COLEC11: variants seen among roughly 807,000 people sequenced by gnomAD.
The protein encoded by COLEC11 is collectin-11.
COLEC11 carries 20 observed loss-of-function variants against 27.3 expected under a neutral mutation model. That is an observed-to-expected ratio of 0.73 (90% CI 0.51 to 1.06). The LOEUF (loss-of-function observed/expected upper bound fraction) is 1.06. COLEC11 is among the 50% of genes least tolerant of loss of function. COLEC11 has a pLI of 0.00. For missense variants in COLEC11, 310 were observed against 383.0 expected (o/e 0.81, Z 1.59); for synonymous variants, 163 against 154.7 (o/e 1.05, Z -0.40).
intron 3 of COLEC11, among the ~76,000 whole-genome samples, chr2:3,632,355 G>A (rs995786568): frequency 4.6e-5 from 7 of 152,156 alleles, no homozygotes; most frequent in Non-Finnish European, 8.8e-5. Context: ...ACCACACAGC[G>A]GGCAGCTTCC....
chr2:3,598,364 C>T (rs146705068), intron 1 of COLEC11, among the ~76,000 whole-genome samples: 1 of 152,238 alleles, frequency 6.6e-6, no homozygotes, highest in African/African-American at 2.4e-5. Flanking sequence ...GGAAACACCA[C>T]GAGGAGAAGA....
intron 5 of COLEC11, among the ~76,000 whole-genome samples, chr2:3,642,096 T>C (rs1157304998): frequency 6.6e-6 from 1 of 151,868 alleles, no homozygotes; most frequent in African/African-American, 2.4e-5. Flanking sequence ...GAGGGCGGAG[T>C]GTAGCTCAGT....
In COLEC11 at chr2:3,644,412, C is replaced by A; in HGVS notation, c.*294C>A. 1.7e-6 allele frequency: 1 copy of A among 597,266 alleles called. No individual in the cohort carries two copies. Among genetic ancestry groups the A allele is most frequent in the Non-Finnish European group, 3.1e-6 (1 of 320,314 alleles). 37.0% of individuals were successfully genotyped at this position (597,266 alleles called of 1,614,324 possible). On this transcript the variant is annotated 3_prime_UTR_variant, in exon 7 of 7. Transcript: ENST00000349077. Reference sequence around the variant, plus strand: ...CTTCCATAAAGCTTGTGCCTTTGTCCAAGCTATACAATAAAATCTTTAAGT... The same window carrying A: ...CTTCCATAAAGCTTGTGCCTTTGTCAAAGCTATACAATAAAATCTTTAAGT...
At chr2:3,613,002 G>A (rs1308656361) in intron 2 of COLEC11, among the ~76,000 whole-genome samples, 2 of 145,686 alleles carry the variant, frequency 1.4e-5, no homozygotes, top group Non-Finnish European at 2.9e-5. Flanking sequence ...GGGGAGAGCC[G>A]GCGTTTAGAC....
intron 3 of COLEC11, among the ~76,000 whole-genome samples, chr2:3,614,316 A>G (rs564599350): frequency 8.5e-5 from 13 of 152,272 alleles, no homozygotes; most frequent in African/African-American, 3.1e-4. Context: ...CCAACCCCCC[A>G]ACCAATCTTT....
chr2:3,637,231 C>T (rs188535397), intron 3 of COLEC11, among the ~76,000 whole-genome samples: 45 of 152,272 alleles, frequency 3.0e-4, no homozygotes, highest in African/African-American at 8.2e-4. Flanking sequence ...CACACAGGCA[C>T]GGAGGGGATG....
intron 1 of COLEC11, chr2:3,603,327 AT>A (rs920255070): frequency 1.0e-3 from 199 of 192,864 alleles, no homozygotes; most frequent in African/African-American, 2.6e-3. Flanking sequence ...ATTATATTTT[AT>A]TTTTTTTTGG....
At chr2:3,600,400 C>T (rs1212526423) in intron 1 of COLEC11, among the ~76,000 whole-genome samples, 1 of 151,974 alleles carries the variant, frequency 6.6e-6, no homozygotes, top group African/African-American at 2.4e-5. Context: ...ACAAAAAAGA[C>T]AAAAATTGCC....
intron 2 of COLEC11, chr2:3,606,140 C>T: frequency 6.4e-7 from 1 of 1,550,548 alleles, no homozygotes; most frequent in Non-Finnish European, 8.7e-7. Flanking sequence ...AGGTTGGAAA[C>T]GGTGGCTGTG....
At chr2:3,629,382 A>C (rs1199071791) in intron 3 of COLEC11, among the ~76,000 whole-genome samples, 1 of 152,200 alleles carries the variant, frequency 6.6e-6, no homozygotes, top group African/African-American at 2.4e-5. Flanking sequence ...GTTGGGGTGT[A>C]GTGAGGGTCT....
rs562385050 is a variant in COLEC11, at chr2:3,629,635, T to G, written c.203-7898T>G. ...ATGAGCATTTGTGTGTATGTGCATA[T>G]AGCGTGTGTGTGAATAGTATGTATG... On this transcript the variant is annotated intron_variant, in intron 3 of 6. Coordinates refer to ENST00000349077, the MANE Select transcript of COLEC11 (RefSeq NM_024027.5). Among the ~76,000 whole-genome samples the G allele has an allele frequency of 1.3e-3, 199 of 152,280 alleles. 1 individual carries two copies. Among genetic ancestry groups the G allele is most frequent in the African/African-American group, 4.4e-3 (182 of 41,530 alleles).
chr2:3,622,687 C>T (rs751819564), intron 3 of COLEC11, among the ~76,000 whole-genome samples: 7 of 152,156 alleles, frequency 4.6e-5, no homozygotes, highest in Non-Finnish European at 8.8e-5. Context: ...TGGCCTCTCT[C>T]GTGGGCCTCC....
chr2:3,606,278 G>A, intron 2 of COLEC11: 1 of 1,533,426 alleles, frequency 6.5e-7, no homozygotes, highest in East Asian at 2.5e-5. Context: ...CCGTGGGGTG[G>A]GCTCCAGGGT....
chr2:3,640,998 A>G (rs1264251921), intron 5 of COLEC11, among the ~76,000 whole-genome samples: 1 of 98,834 alleles, frequency 1.0e-5, no homozygotes, highest in East Asian at 3.3e-4. Context: ...CCCACCCACC[A>G]TGTAGACCCC....
chr2:3,635,861 A>C (rs1421044743), intron 3 of COLEC11, among the ~76,000 whole-genome samples: 1 of 152,244 alleles, frequency 6.6e-6, no homozygotes, highest in Non-Finnish European at 1.5e-5. Flanking sequence ...TGGCTCTGCC[A>C]TGCCGGGCCA....
At chr2:3,643,050 C>T (rs755302993) in intron 5 of COLEC11, among the ~76,000 whole-genome samples, 5 of 152,252 alleles carry the variant, frequency 3.3e-5, no homozygotes, top group Non-Finnish European at 5.9e-5. Context: ...CTCCCCTCAG[C>T]CCTGCAGTGC....
chr2:3,617,422 G>A, intron 3 of COLEC11: 2 of 1,031,228 alleles, frequency 1.9e-6, no homozygotes, highest in East Asian at 2.4e-5. Flanking sequence ...GATGTGAAAG[G>A]GGCAGCACAG....
intron 3 of COLEC11, among the ~76,000 whole-genome samples, chr2:3,631,989 G>A (rs974178103): frequency 6.6e-6 from 1 of 152,192 alleles, no homozygotes; most frequent in Admixed American, 6.5e-5. Context: ...CCCACAGTGG[G>A]GGTGCAGGGT....
intron 3 of COLEC11, among the ~76,000 whole-genome samples, chr2:3,627,535 T>C (rs757624716): frequency 6.6e-6 from 1 of 150,442 alleles, no homozygotes; most frequent in African/African-American, 2.5e-5. Context: ...CGGGGCATGA[T>C]GATGCTGGGC....
Sources: gnomAD v4.1 joint callset for allele counts (sites outside exome capture counted in the v4.1 genomes callset) on GRCh38, gnomAD v4.1.1 for gene constraint, MANE v1.5 for transcripts, NCBI Gene and HGNC (gene_info 2026-07-23, HGNC 2026-07-21) for gene names.